PIK3R3: variants seen among roughly 807,000 people sequenced by gnomAD.
PIK3R3 encodes the protein phosphatidylinositol 3-kinase regulatory subunit gamma.
A neutral mutation model predicts 62.9 loss-of-function variants in PIK3R3; 64 were observed. The ratio of observed to expected loss-of-function variants is 1.02; its 90% CI spans 0.83 to 1.25. The LOEUF (loss-of-function observed/expected upper bound fraction) is 1.25, where lower values mean the gene tolerates loss of function less well. Ranked by LOEUF, PIK3R3 falls within the 50% of genes most tolerant of loss-of-function variation. The probability of loss-of-function intolerance (pLI) is 0.00; values close to 1 mark genes in which losing one functional copy is unlikely to be tolerated. For synonymous variants in PIK3R3, 165 were observed against 189.0 expected, an observed-to-expected ratio of 0.87 and a Z score of 1.04; for missense variants, 614 against 561.6, an observed-to-expected ratio of 1.09 and a Z score of -0.94.
At chr1:46,086,663 G>A (rs1651086705) in intron 1 of PIK3R3, among the ~76,000 whole-genome samples, 1 of 152,110 alleles carries the variant, frequency 6.6e-6, no homozygotes, top group African/African-American at 2.4e-5. Context: ...TCGTGCCATT[G>A]CACTCCAGCC....
the PIK3R3 span, among the ~76,000 whole-genome samples, chr1:46,158,844 T>C: frequency 6.6e-6 from 1 of 152,220 alleles, no homozygotes; most frequent in African/African-American, 2.4e-5. Context: ...TCCCAGCACT[T>C]TGGGAGGCCA....
At chr1:46,131,784 C>G in intron 1 of PIK3R3, 63 bp downstream of exon 1, 1 of 1,506,068 alleles carries the variant, frequency 6.6e-7, no homozygotes. Flanking sequence ...AAAACATCAG[C>G]AAGCTCTTGG....
intron 5 of PIK3R3, among the ~76,000 whole-genome samples, chr1:46,065,717 T>A (rs979646298): frequency 6.6e-6 from 1 of 152,236 alleles, no homozygotes; most frequent in African/African-American, 2.4e-5. Context: ...CTTCCACAGA[T>A]AGCAAAGCAT....
At position 46,116,457 on chromosome 1, in the gene PIK3R3, G is replaced by A. The variant is rs534746264; in HGVS notation, c.106+15390C>T. ...CCCTTGAACCCAGCAGCTCAAGGCTGCAGTGAGCTATGATCAGGGCACCGC... is the reference window on the plus strand; with the variant it reads ...CCCTTGAACCCAGCAGCTCAAGGCTACAGTGAGCTATGATCAGGGCACCGC... On this transcript the variant is annotated intron_variant, in intron 1 of 9. Coordinates refer to ENST00000262741, the MANE Select transcript of PIK3R3 (RefSeq NM_003629.4). Among the ~76,000 whole-genome samples the A allele has an allele frequency of 1.7e-3, 263 of 152,244 alleles. 1 individual carries two copies. The highest frequency in any genetic ancestry group is 6.8e-3 in the Middle Eastern group (2 of 292).
chr1:46,167,094 CT>C, the PIK3R3 span, among the ~76,000 whole-genome samples: 1 of 152,286 alleles, frequency 6.6e-6, no homozygotes, highest in Non-Finnish European at 1.5e-5. Context: ...AGGACCCTAG[CT>C]GCGGGACTCT....
chr1:46,106,272 T>TTG (rs111313424), intron 1 of PIK3R3, among the ~76,000 whole-genome samples: 36 of 151,542 alleles, frequency 2.4e-4, no homozygotes, highest in South Asian at 1.7e-3. Context: ...CCAGCTAATT[T>TTG]TGTGTGTGTG....
chr1:46,138,328 A>G, the PIK3R3 span, among the ~76,000 whole-genome samples: 2 of 152,182 alleles, frequency 1.3e-5, no homozygotes, highest in African/African-American at 2.4e-5. Context: ...TTAGAGGGCA[A>G]TATCAGTCCA....
In PIK3R3 at chr1:46,132,295, A is replaced by G; in HGVS notation, c.-343T>C. The G allele has an allele frequency of 2.7e-6, 3 of 1,113,666 alleles. No individual in the cohort carries two copies. Among genetic ancestry groups the G allele is most frequent in the Non-Finnish European group, 3.3e-6 (3 of 906,330 alleles). The allele number at this position is 1,113,666 out of a possible 1,614,324, so 69.0% of individuals were successfully genotyped here. A position where few individuals can be genotyped will look rare whatever the true frequency, so the allele number is the denominator to read the frequency against. ...GGGAGAAAAGCTCCCACCGCCTCCAAATCTTTCCGCGGAAGCCACTTTTGT... is the reference window on the plus strand; with the variant it reads ...GGGAGAAAAGCTCCCACCGCCTCCAGATCTTTCCGCGGAAGCCACTTTTGT... On this transcript the variant is annotated 5_prime_UTR_variant, in exon 1 of 10. Coordinates refer to ENST00000262741, the MANE Select transcript of PIK3R3 (RefSeq NM_003629.4).
rs552601140 is a variant in PIK3R3 at position 46,043,860 on chromosome 1, T to G, written c.1199A>C (p.Glu400Ala). 533 of 1,613,258 alleles carry G rather than the reference T, an allele frequency of 3.3e-4. 7 individuals are homozygous for G. The South Asian group carries it at 5.3e-3, about 16-fold the overall frequency. The change falls in exon 10 of 10, where the codon GAA (glutamate) becomes GCA (alanine). Residue 400 changes from glutamate to alanine, a missense_variant. Physicochemically the swap from Glu to Ala is moderately radical, Grantham distance 107. Transcript: ENST00000262741. ...GCTGTAGATCACACAGTGCTTCACT[T>G]CCCCATCGGCCCTGCAATGACAAAC... ...CYACSVVADG[E>A]VKHCVIYSTA...
At chr1:46,075,657 C>T (rs1650002596) in intron 3 of PIK3R3, among the ~76,000 whole-genome samples, 2 of 152,018 alleles carry the variant, frequency 1.3e-5, no homozygotes, top group African/African-American at 2.4e-5. Flanking sequence ...TAGAATCATT[C>T]CTGGTACCAA....
At chr1:46,052,575 A>G (rs543699144) in intron 7 of PIK3R3, among the ~76,000 whole-genome samples, 36 of 152,178 alleles carry the variant, frequency 2.4e-4, no homozygotes, top group Non-Finnish European at 3.8e-4. Flanking sequence ...TCATATCAAG[A>G]TTCGAACATT....
At position 46,043,114 on chromosome 1, in the gene PIK3R3, T is replaced by C. The variant is rs1044252155; in HGVS notation, c.*559A>G. On this transcript the variant is annotated 3_prime_UTR_variant, in exon 10 of 10. Transcript: ENST00000262741. Reference sequence around the variant, plus strand: ...GAAACAAAATACCTTCAGTTGAAGGTTTTTTTTATCATCTTGGCTTAGATT... The same window carrying C: ...GAAACAAAATACCTTCAGTTGAAGGCTTTTTTTATCATCTTGGCTTAGATT... 1 of 173,092 alleles carries C rather than the reference T, an allele frequency of 5.8e-6. No homozygotes were observed. The highest frequency in any genetic ancestry group is 6.4e-5 in the East Asian group (1 of 15,704). 10.7% of individuals were successfully genotyped at this position (173,092 alleles called of 1,614,324 possible).
At chr1:46,144,241 CAAGG>C in the PIK3R3 span, among the ~76,000 whole-genome samples, 16 of 152,064 alleles carry the variant, frequency 1.1e-4, no homozygotes, top group African/African-American at 3.6e-4. Context: ...TTCAGAAAGC[CAAGG>C]AAGGATGAAA....
At chr1:46,119,733 A>C (rs1247286664) in intron 1 of PIK3R3, among the ~76,000 whole-genome samples, 2 of 151,156 alleles carry the variant, frequency 1.3e-5, no homozygotes, top group African/African-American at 4.9e-5. Context: ...CCTTGTAAGT[A>C]GCTGAGACTA....
chr1:46,074,314 A>AC (rs1358562151), intron 3 of PIK3R3, among the ~76,000 whole-genome samples: 2 of 100,862 alleles, frequency 2.0e-5, no homozygotes, highest in African/African-American at 3.9e-5. Context: ...AAAAAAAAAA[A>AC]AAACCAATAA....
chr1:46,068,191 T>A (rs553487555), intron 3 of PIK3R3, among the ~76,000 whole-genome samples: 5 of 152,230 alleles, frequency 3.3e-5, no homozygotes, highest in African/African-American at 1.2e-4. Context: ...TAAATATACA[T>A]GAGAAGGACC....
At chr1:46,045,631 T>TG in intron 9 of PIK3R3, among the ~76,000 whole-genome samples, 1 of 130,548 alleles carries the variant, frequency 7.7e-6, no homozygotes, top group Non-Finnish European at 1.6e-5. Context: ...TTTTTTTTTT[T>TG]TTTTTTTTTT....
At chr1:46,117,832 G>A (rs960441225) in intron 1 of PIK3R3, among the ~76,000 whole-genome samples, 1 of 152,204 alleles carries the variant, frequency 6.6e-6, no homozygotes, top group African/African-American at 2.4e-5. Flanking sequence ...CACTTGGGAG[G>A]CCAGGGTAAG....
chr1:46,168,357 C>T, the PIK3R3 span, among the ~76,000 whole-genome samples: 1 of 152,112 alleles, frequency 6.6e-6, no homozygotes, highest in Non-Finnish European at 1.5e-5. Context: ...ACAAGGACCA[C>T]GACTGATTCA....
Sources: gnomAD v4.1 joint callset for allele counts (sites outside exome capture counted in the v4.1 genomes callset) on GRCh38, gnomAD v4.1.1 for gene constraint, MANE v1.5 for transcripts, NCBI Gene and HGNC (gene_info 2026-07-23, HGNC 2026-07-21) for gene names.